Variants in UVRAG observed in about 807,000 individuals in gnomAD.
The protein encoded by UVRAG is UV radiation resistance-associated gene protein.
In UVRAG, 19 loss-of-function variants were observed where a neutral mutation model predicts 78.0. The observed-to-expected ratio is 0.24, with a 90% confidence interval of 0.17 to 0.36. UVRAG has a LOEUF of 0.36. Ranked by LOEUF, UVRAG falls within the 10% of genes least tolerant of loss-of-function variation. The probability of loss-of-function intolerance (pLI) is 1.00; values close to 1 mark genes in which losing one functional copy is unlikely to be tolerated. For synonymous variants in UVRAG, 323 were observed against 324.6 expected (o/e 1.00, Z 0.05); for missense variants, 740 against 853.8 (o/e 0.87, Z 1.66).
At chr11:76,116,571 T>C (rs1166615416) in intron 14 of UVRAG, among the ~76,000 whole-genome samples, 1 of 152,164 alleles carries the variant, frequency 6.6e-6, no homozygotes, top group Admixed American at 6.5e-5. Flanking sequence ...CATGGACCTT[T>C]GAAAAGAGAA....
intron 1 of UVRAG, among the ~76,000 whole-genome samples, chr11:75,835,015 G>A (rs1311040608): frequency 6.6e-6 from 1 of 152,004 alleles, no homozygotes; most frequent in Admixed American, 6.6e-5. Flanking sequence ...TGTAATTATT[G>A]GAGAGCCATA....
chr11:76,024,964 C>T (rs1045055495), intron 12 of UVRAG, among the ~76,000 whole-genome samples: 3 of 152,100 alleles, frequency 2.0e-5, no homozygotes, highest in Non-Finnish European at 4.4e-5. Flanking sequence ...TCAGCCTCTC[C>T]CCTCTCTGAT....
intron 13 of UVRAG, among the ~76,000 whole-genome samples, chr11:76,103,307 T>C (rs901413243): frequency 6.6e-6 from 1 of 152,116 alleles, no homozygotes; most frequent in Non-Finnish European, 1.5e-5. Context: ...TTCTGCCTAC[T>C]ACTCCCACCC....
chr11:76,022,893 C>G (rs2135383861), intron 12 of UVRAG, among the ~76,000 whole-genome samples: 1 of 152,084 alleles, frequency 6.6e-6, no homozygotes, highest in Non-Finnish European at 1.5e-5. Flanking sequence ...GAGGTGTACC[C>G]TTTTGATTCC....
chr11:76,015,963 C>T (rs1950138400), intron 11 of UVRAG, among the ~76,000 whole-genome samples: 1 of 152,200 alleles, frequency 6.6e-6, no homozygotes, highest in Non-Finnish European at 1.5e-5. Flanking sequence ...TTTAGGAATA[C>T]TGTATACCAA....
At chr11:75,979,598 C>T (rs973862098) in intron 7 of UVRAG, 3 of 156,332 alleles carry the variant, frequency 1.9e-5, no homozygotes, top group Non-Finnish European at 2.8e-5. Context: ...CCCCCAGCCT[C>T]GCTGCCGCCT....
chr11:75,861,799 G>T lies in UVRAG; in HGVS notation c.270+19G>T. On this transcript the variant is annotated intron_variant, in intron 3 of 14. Transcript: ENST00000356136. ...TTCCTTGGTAAGTTTGCTTTCTGAC[G>T]GGTACATATGACTAAGTATATACAC... 3 of 1,599,068 alleles carry T rather than the reference G, an allele frequency of 1.9e-6. No homozygotes were observed. Among genetic ancestry groups the T allele is most frequent in the South Asian group, 2.2e-5 (2 of 90,526 alleles).
chr11:75,827,426 A>G (rs1281851535), intron 1 of UVRAG, among the ~76,000 whole-genome samples: 4 of 152,140 alleles, frequency 2.6e-5, no homozygotes, highest in African/African-American at 7.2e-5. Flanking sequence ...CCTGCCCAAC[A>G]TGGCGAAACC....
At chr11:75,910,539 C>CTT (rs935961405) in intron 5 of UVRAG, among the ~76,000 whole-genome samples, 18 of 124,062 alleles carry the variant, frequency 1.5e-4, no homozygotes, top group African/African-American at 1.8e-4. Context: ...TCCTTTTTAT[C>CTT]TTTTTTTTTT....
chr11:76,065,700 C>T lies in UVRAG; in HGVS notation c.1227-10C>T. ...TTTGAAAATATCTGATCCTTTTTTA[C>T]CTTTCTTAGGTTTCCACTGTATCCA... On this transcript the variant is annotated splice_polypyrimidine_tract_variant and intron_variant, in intron 12 of 14. Transcript: ENST00000356136. 2 of 1,612,254 alleles carry T rather than the reference C, an allele frequency of 1.2e-6. No individual in the cohort carries two copies. Among genetic ancestry groups the T allele is most frequent in the South Asian group, 2.2e-5 (2 of 90,904 alleles).
intron 2 of UVRAG, among the ~76,000 whole-genome samples, chr11:75,857,449 C>T (rs776793720): frequency 6.6e-5 from 10 of 152,082 alleles, no homozygotes; most frequent in Non-Finnish European, 8.8e-5. Flanking sequence ...CACTTATTCA[C>T]GTGACTAGTG....
At chr11:75,997,630 A>T (rs941779921) in intron 8 of UVRAG, among the ~76,000 whole-genome samples, 1 of 152,200 alleles carries the variant, frequency 6.6e-6, no homozygotes, top group Admixed American at 6.5e-5. Flanking sequence ...ACAAAAGAGG[A>T]TGTCATTGGG....
chr11:76,031,521 G>C (rs1023252422), intron 12 of UVRAG, among the ~76,000 whole-genome samples: 2 of 152,120 alleles, frequency 1.3e-5, no homozygotes, highest in African/African-American at 2.4e-5. Flanking sequence ...TTATTATCTG[G>C]ATGAGGAAGT....
intron 1 of UVRAG, among the ~76,000 whole-genome samples, chr11:75,849,474 A>G (rs1476188497): frequency 6.6e-6 from 1 of 150,392 alleles, no homozygotes; most frequent in Non-Finnish European, 1.5e-5. Context: ...AGCCTGGGCG[A>G]CAGAGCGAGA....
chr11:76,051,336 G>A (rs1394238523), intron 12 of UVRAG, among the ~76,000 whole-genome samples: 1 of 151,896 alleles, frequency 6.6e-6, no homozygotes, highest in African/African-American at 2.4e-5. Flanking sequence ...GGCTGTTAAT[G>A]TTGTGGAATG....
At chr11:75,874,031 C>T (rs767312858) in intron 3 of UVRAG, among the ~76,000 whole-genome samples, 8 of 152,152 alleles carry the variant, frequency 5.3e-5, no homozygotes, top group African/African-American at 1.2e-4. Flanking sequence ...TATGTTTAGT[C>T]GTTTGTTTTG....
At chr11:76,053,421 A>G (rs1950912065) in intron 12 of UVRAG, among the ~76,000 whole-genome samples, 1 of 151,896 alleles carries the variant, frequency 6.6e-6, no homozygotes, top group Non-Finnish European at 1.5e-5. Flanking sequence ...TCGTTTCTCA[A>G]TTGAGAAACG....
At chr11:76,028,979 A>G (rs58497852) in intron 12 of UVRAG, among the ~76,000 whole-genome samples, 9,160 of 152,240 alleles carry the variant, frequency 0.06, 413 homozygotes, top group East Asian at 0.26. Context: ...GGAGAAGTCA[A>G]TGCCTGACTG....
At chr11:76,095,011 G>A (rs560997527) in intron 13 of UVRAG, among the ~76,000 whole-genome samples, 18 of 152,226 alleles carry the variant, frequency 1.2e-4, no homozygotes, top group South Asian at 4.2e-4. Flanking sequence ...AGGACTGAAG[G>A]TTTTGGCACT....
Sources: allele counts gnomAD v4.1 joint callset (sites outside exome capture counted in the v4.1 genomes callset), GRCh38; gene constraint gnomAD v4.1.1; transcripts MANE v1.5; gene names NCBI Gene and HGNC (gene_info 2026-07-23, HGNC 2026-07-21).